Variants in ZCCHC17 observed in about 807,000 individuals in gnomAD.
ZCCHC17 encodes the protein zinc finger CCHC domain-containing protein 17.
In ZCCHC17, 18 loss-of-function variants were observed where a neutral mutation model predicts 30.6. That is an observed-to-expected ratio of 0.59 (90% CI 0.41 to 0.87). The LOEUF (loss-of-function observed/expected upper bound fraction) is 0.87. ZCCHC17 is among the 40% of genes least tolerant of loss of function. The pLI, the probability that ZCCHC17 is intolerant of heterozygous loss-of-function variation, is 0.00. For synonymous variants in ZCCHC17, 88 were observed against 92.4 expected (o/e 0.95, Z 0.27); for missense variants, 263 against 284.2 (o/e 0.93, Z 0.54).
intron 3 of ZCCHC17, among the ~76,000 whole-genome samples, chr1:31,326,048 T>A (rs931846198): frequency 4.6e-5 from 7 of 152,052 alleles, no homozygotes; most frequent in Non-Finnish European, 1.0e-4. Flanking sequence ...TAATAAAATT[T>A]AAAAACATGT....
intron 2 of ZCCHC17, among the ~76,000 whole-genome samples, chr1:31,315,019 G>T (rs6679365): frequency 0.54 from 82,599 of 151,906 alleles, 23,354 homozygotes; most frequent in Non-Finnish European, 0.62. Context: ...GATAAATTTG[G>T]TGGTTCTACA....
At chr1:31,319,275 T>A in intron 3 of ZCCHC17, 109 bp downstream of exon 3, 1 of 913,046 alleles carries the variant, frequency 1.1e-6, no homozygotes, top group Non-Finnish European at 1.7e-6. Flanking sequence ...TTTTCATTCC[T>A]TTGTTTTCTT....
At chr1:31,336,418 A>T (rs1638819999) in intron 3 of ZCCHC17, among the ~76,000 whole-genome samples, 1 of 152,274 alleles carries the variant, frequency 6.6e-6, no homozygotes, top group South Asian at 2.1e-4. Context: ...AATTTTACCA[A>T]CTTATATTTC....
chr1:31,309,661 C>T (rs1428193933), intron 1 of ZCCHC17, among the ~76,000 whole-genome samples: 3 of 152,116 alleles, frequency 2.0e-5, no homozygotes, highest in Admixed American at 1.3e-4. Flanking sequence ...TAGCACAGTG[C>T]CTGGACATAG....
At chr1:31,309,610 C>A (rs1646548639) in intron 1 of ZCCHC17, among the ~76,000 whole-genome samples, 1 of 152,110 alleles carries the variant, frequency 6.6e-6, no homozygotes, top group African/African-American at 2.4e-5. Flanking sequence ...CCATACCCAG[C>A]CTGAGTTTTG....
chr1:31,342,099 G>A (rs963131213), intron 5 of ZCCHC17, among the ~76,000 whole-genome samples: 2 of 152,148 alleles, frequency 1.3e-5, no homozygotes, highest in African/African-American at 2.4e-5. Flanking sequence ...AGGCTGGAGT[G>A]TAGTGGTACA....
chr1:31,302,026 G>C (rs1646325063), intron 1 of ZCCHC17, among the ~76,000 whole-genome samples: 1 of 152,114 alleles, frequency 6.6e-6, no homozygotes, highest in Non-Finnish European at 1.5e-5. Flanking sequence ...TCAGGAGTTT[G>C]AGACCAACCT....
intron 1 of ZCCHC17, among the ~76,000 whole-genome samples, chr1:31,303,121 C>CAA (rs576910578): frequency 1.0e-4 from 14 of 137,680 alleles, no homozygotes; most frequent in African/African-American, 3.1e-4. Context: ...TACCCCCCCT[C>CAA]AAAAAAAAAA....
chr1:31,322,378 T>C (rs531464067), intron 3 of ZCCHC17, among the ~76,000 whole-genome samples: 2 of 152,178 alleles, frequency 1.3e-5, no homozygotes, highest in Admixed American at 1.3e-4. Flanking sequence ...TTCCCAGCAC[T>C]TCCCCCCAAA....
At chr1:31,358,870 C>T (rs896277745) in intron 7 of ZCCHC17, among the ~76,000 whole-genome samples, 7 of 152,090 alleles carry the variant, frequency 4.6e-5, no homozygotes, top group Non-Finnish European at 1.5e-5. Flanking sequence ...TTCATGAGAT[C>T]ACCTGCAGAG....
chr1:31,315,555 G>A (rs554605316), intron 2 of ZCCHC17, among the ~76,000 whole-genome samples: 10 of 152,182 alleles, frequency 6.6e-5, no homozygotes, highest in Non-Finnish European at 1.2e-4. Context: ...TGGTAAGGTC[G>A]AAATAGCATT....
At chr1:31,332,097 T>G (rs1353763866) in intron 3 of ZCCHC17, among the ~76,000 whole-genome samples, 6 of 152,214 alleles carry the variant, frequency 3.9e-5, no homozygotes, top group Admixed American at 2.0e-4. Context: ...AGATGAGGAC[T>G]GAGAACCTTC....
chr1:31,362,440 C>T (rs1202967320), intron 7 of ZCCHC17, among the ~76,000 whole-genome samples: 5 of 152,188 alleles, frequency 3.3e-5, no homozygotes, highest in South Asian at 2.1e-4. Context: ...AGATTTATGC[C>T]GTGCTTAAAA....
At chr1:31,361,595 T>G (rs1250258990) in intron 7 of ZCCHC17, among the ~76,000 whole-genome samples, 1 of 152,198 alleles carries the variant, frequency 6.6e-6, no homozygotes, top group Non-Finnish European at 1.5e-5. Flanking sequence ...CCATGAGGCC[T>G]CCTGTTACCA....
At chr1:31,308,045 C>T (rs1646509929) in intron 1 of ZCCHC17, among the ~76,000 whole-genome samples, 1 of 152,148 alleles carries the variant, frequency 6.6e-6, no homozygotes, top group African/African-American at 2.4e-5. Flanking sequence ...AACTCCTGTT[C>T]TAGCATGTGA....
intron 6 of ZCCHC17, among the ~76,000 whole-genome samples, chr1:31,347,325 C>T (rs1639311975): frequency 6.6e-6 from 1 of 152,162 alleles, no homozygotes; most frequent in East Asian, 1.9e-4. Flanking sequence ...AGATTGCCAG[C>T]TTCTCATTTT....
At chr1:31,350,346 C>T (rs1444135017) in intron 7 of ZCCHC17, among the ~76,000 whole-genome samples, 1 of 152,018 alleles carries the variant, frequency 6.6e-6, no homozygotes, top group East Asian at 1.9e-4. Flanking sequence ...TAAGTATTAT[C>T]TTAATTTTCT....
chr1:31,300,519 G>C (rs949533858), intron 1 of ZCCHC17, among the ~76,000 whole-genome samples: 5 of 152,144 alleles, frequency 3.3e-5, no homozygotes, highest in Non-Finnish European at 7.3e-5. Context: ...GGCTAGGTTA[G>C]ACATACTGCC....
At chr1:31,327,362 A>G (rs560628439) in intron 3 of ZCCHC17, among the ~76,000 whole-genome samples, 2 of 152,338 alleles carry the variant, frequency 1.3e-5, no homozygotes, top group South Asian at 2.1e-4. Flanking sequence ...ATGACCACCT[A>G]CTTAGGTTTG....
Sources: gnomAD v4.1 joint callset for allele counts (sites outside exome capture counted in the v4.1 genomes callset) on GRCh38, gnomAD v4.1.1 for gene constraint, MANE v1.5 for transcripts, NCBI Gene and HGNC (gene_info 2026-07-23, HGNC 2026-07-21) for gene names.